Variants in ATRNL1 observed in about 807,000 individuals in gnomAD.
The protein encoded by ATRNL1 is attractin like 1.
A neutral mutation model predicts 182.7 loss-of-function variants in ATRNL1; 95 were observed. The observed-to-expected ratio is 0.52, with a 90% CI of 0.44 to 0.62. The LOEUF (loss-of-function observed/expected upper bound fraction) is 0.62, where lower values mean the gene tolerates loss of function less well. ATRNL1 is among the 20% of genes least tolerant of loss of function. The probability of loss-of-function intolerance (pLI) is 0.00; values close to 1 mark genes in which losing one functional copy is unlikely to be tolerated. For synonymous variants in ATRNL1, 576 were observed against 568.3 expected, an observed-to-expected ratio of 1.01 and a Z score of -0.19; for missense variants, 1,471 against 1,679.5, an observed-to-expected ratio of 0.88 and a Z score of 2.17.
chr10:115,723,442 G>A (rs1454632611), intron 26 of ATRNL1, among the ~76,000 whole-genome samples: 6 of 152,294 alleles, frequency 3.9e-5, no homozygotes, highest in South Asian at 2.1e-4. Flanking sequence ...TGAAGTAATA[G>A]TATTAAGTTG....
chr10:115,704,690 T>G (rs1404487987), intron 26 of ATRNL1, among the ~76,000 whole-genome samples: 1 of 151,888 alleles, frequency 6.6e-6, no homozygotes, highest in Non-Finnish European at 1.5e-5. Context: ...TATAGAATAC[T>G]TTTTGTGATA....
intron 21 of ATRNL1, among the ~76,000 whole-genome samples, chr10:115,435,092 C>T (rs559303755): frequency 3.9e-4 from 59 of 149,546 alleles, no homozygotes; most frequent in African/African-American, 1.4e-3. Flanking sequence ...GTGTGGTGGC[C>T]CAATCTGCAA....
intron 10 of ATRNL1, among the ~76,000 whole-genome samples, chr10:115,254,172 A>G (rs1314579587): frequency 6.6e-6 from 1 of 152,228 alleles, no homozygotes; most frequent in African/African-American, 2.4e-5. Context: ...TGCTGGGTCA[A>G]ATGGTAATTC....
chr10:115,507,838 A>T (rs1226476321), intron 24 of ATRNL1, among the ~76,000 whole-genome samples: 4 of 152,026 alleles, frequency 2.6e-5, no homozygotes, highest in Non-Finnish European at 5.9e-5. Context: ...TTCTAGAATA[A>T]GAGTTACCCA....
At chr10:115,200,917 A>C (rs2144301920) in intron 8 of ATRNL1, among the ~76,000 whole-genome samples, 1 of 150,688 alleles carries the variant, frequency 6.6e-6, no homozygotes, top group South Asian at 2.1e-4. Context: ...AATGATTGCC[A>C]TTCTAACTGG....
chr10:115,703,090 C>A (rs1178089837), intron 26 of ATRNL1, among the ~76,000 whole-genome samples: 2 of 151,834 alleles, frequency 1.3e-5, no homozygotes, highest in African/African-American at 4.8e-5. Context: ...AGATAGAGAT[C>A]GCAGAAGTAA....
At chr10:115,311,926 C>T (rs1554927970) in intron 17 of ATRNL1, among the ~76,000 whole-genome samples, 1 of 151,732 alleles carries the variant, frequency 6.6e-6, no homozygotes, top group Non-Finnish European at 1.5e-5. Flanking sequence ...AATACCTACT[C>T]CTGCTTGCTT....
chr10:115,753,960 T>C (rs1404075607), intron 27 of ATRNL1, among the ~76,000 whole-genome samples: 1 of 152,234 alleles, frequency 6.6e-6, no homozygotes, highest in Non-Finnish European at 1.5e-5. Flanking sequence ...GTTTGTTGGC[T>C]GCATAAATGT....
In ATRNL1 at chr10:115,654,240, G is replaced by A. The variant is rs190157345; in HGVS notation, c.3796-73008G>A. On this transcript the variant is annotated intron_variant, in intron 26 of 28. Coordinates refer to ENST00000355044, the MANE Select transcript of ATRNL1 (RefSeq NM_207303.4). ...TTTTCTTTTTTTTTTTTGTTTTTGA[G>A]ATGGAGTCTGGCTCTGTCACCCAGG... Among the ~76,000 whole-genome samples, 52 of 150,586 alleles carry A rather than the reference G, an allele frequency of 3.5e-4. 2 individuals are homozygous for A. In the East Asian group the frequency reaches 9.4e-3, roughly 27 times the overall value.
chr10:115,393,032 C>T (rs1423304551), intron 19 of ATRNL1, among the ~76,000 whole-genome samples: 1 of 152,086 alleles, frequency 6.6e-6, no homozygotes, highest in Non-Finnish European at 1.5e-5. Context: ...GGACCCACAG[C>T]AGACTCTTCA....
chr10:115,357,499 A>G (rs1019918468), intron 19 of ATRNL1, among the ~76,000 whole-genome samples: 6 of 151,834 alleles, frequency 4.0e-5, no homozygotes, highest in African/African-American at 1.2e-4. Context: ...AAGCTTCAGC[A>G]TAAATATTGT....
chr10:115,431,540 G>T (rs1846165208), intron 21 of ATRNL1, among the ~76,000 whole-genome samples: 1 of 152,060 alleles, frequency 6.6e-6, no homozygotes, highest in Non-Finnish European at 1.5e-5. Flanking sequence ...CATAGGGAAG[G>T]CATGATAAAT....
chr10:115,842,108 G>A (rs557981877), intron 27 of ATRNL1, among the ~76,000 whole-genome samples: 1 of 133,788 alleles, frequency 7.5e-6, no homozygotes, highest in Non-Finnish European at 1.7e-5. Context: ...GTAGTTGTTT[G>A]CATTTTTAAT....
At chr10:115,813,907 A>T (rs1474294540) in intron 27 of ATRNL1, among the ~76,000 whole-genome samples, 1 of 152,188 alleles carries the variant, frequency 6.6e-6, no homozygotes, top group Non-Finnish European at 1.5e-5. Context: ...TCTTGTACCT[A>T]CAAAAAGATA....
chr10:115,605,044 A>T (rs193219192), intron 26 of ATRNL1, among the ~76,000 whole-genome samples: 2 of 152,344 alleles, frequency 1.3e-5, no homozygotes, highest in East Asian at 3.9e-4. Flanking sequence ...AATGTAAATT[A>T]ACATGAGGGA....
At chr10:115,221,966 C>T (rs1300689478) in intron 9 of ATRNL1, among the ~76,000 whole-genome samples, 1 of 151,386 alleles carries the variant, frequency 6.6e-6, no homozygotes, top group African/African-American at 2.4e-5. Context: ...AAAAAAAAAG[C>T]TCGGAAGAAG....
intron 27 of ATRNL1, among the ~76,000 whole-genome samples, chr10:115,795,319 AG>A (rs1949625795): frequency 6.6e-6 from 1 of 152,158 alleles, no homozygotes; most frequent in African/African-American, 2.4e-5. Flanking sequence ...CCAGAATCCA[AG>A]GTTCATTTAT....
At chr10:115,504,765 A>T (rs1554980884) in intron 24 of ATRNL1, among the ~76,000 whole-genome samples, 1 of 152,026 alleles carries the variant, frequency 6.6e-6, no homozygotes, top group Non-Finnish European at 1.5e-5. Flanking sequence ...TTCTTTTTTC[A>T]TGATAAAGTA....
At chr10:115,763,978 A>G (rs997332448) in intron 27 of ATRNL1, among the ~76,000 whole-genome samples, 3 of 152,128 alleles carry the variant, frequency 2.0e-5, no homozygotes, top group African/African-American at 4.8e-5. Flanking sequence ...CTAGCCACCT[A>G]CTTGCCTTCC....
Sources: allele counts gnomAD v4.1 joint callset (sites outside exome capture counted in the v4.1 genomes callset), GRCh38; gene constraint gnomAD v4.1.1; transcripts MANE v1.5; gene names NCBI Gene and HGNC (gene_info 2026-07-23, HGNC 2026-07-21).